Variants in CIC observed in about 807,000 individuals in gnomAD.
CIC encodes protein capicua homolog.
In CIC, 18 loss-of-function variants were observed where a neutral mutation model predicts 115.7. The observed-to-expected ratio is 0.16, with a 90% CI of 0.11 to 0.23. CIC has a LOEUF of 0.23. Ranked by LOEUF, CIC falls within the 10% of genes least tolerant of loss-of-function variation. The pLI is 1.00. For synonymous variants in CIC, 1,076 were observed against 923.0 expected (o/e 1.17, Z -3.01); for missense variants, 2,000 against 2,159.3 (o/e 0.93, Z 1.46).
rs1409198167 is a variant in CIC, at chr19:42,295,052, G to C, written c.7415G>C (p.Ser2472Thr). The C allele has an allele frequency of 6.5e-7, 1 of 1,538,122 alleles. No individual in the cohort carries two copies. The highest frequency in any genetic ancestry group is 8.7e-7 in the Non-Finnish European group (1 of 1,148,790). ...GGGGGCCCTGACCCCACCTCACCCAGCTCGGACTCTGGCACGGCCCAGGCT... is the reference window on the plus strand; with the variant it reads ...GGGGGCCCTGACCCCACCTCACCCACCTCGGACTCTGGCACGGCCCAGGCT... ...PAGGPDPTSP[S>T]SDSGTAQAAP... Residue 2472 changes from serine to threonine, a missense_variant, in exon 21 of 21, where the codon AGC becomes ACC. Coordinates refer to ENST00000681038, the MANE Select transcript of CIC (RefSeq NM_001386298.1).
Position 42,270,038 on chromosome 19 carries a change from G to A in CIC, c.-11+657G>A, listed in dbSNP as rs555775820. Among the ~76,000 whole-genome samples the A allele has an allele frequency of 3.6e-4, 55 of 152,306 alleles. No individual in the cohort carries two copies. The East Asian group carries it at 4.8e-3, about 13-fold the overall frequency. ...AGGGGAAAGAAAGCAGCTCTGGGGCGAAGAGAGGCTGGGCCAGGCAGCAAG... is the reference window on the plus strand; with the variant it reads ...AGGGGAAAGAAAGCAGCTCTGGGGCAAAGAGAGGCTGGGCCAGGCAGCAAG... On this transcript the variant is annotated intron_variant, in intron 1 of 20. Coordinates refer to ENST00000681038, the MANE Select transcript of CIC (RefSeq NM_001386298.1). This position sits in a 1 kb window ranked among gnomAD's most constrained non-coding sequence, Gnocchi z 4.1.
rs930640206 is a variant in CIC at position 42,291,377 on chromosome 19, C to T, written c.5336C>T (p.Thr1779Ile). 1 of 1,612,450 alleles carries T rather than the reference C, an allele frequency of 6.2e-7. No individual in the cohort carries two copies. The highest frequency in any genetic ancestry group is 1.3e-5 in the African/African-American group (1 of 74,908). Residue 1779 changes from threonine to isoleucine, a missense_variant, in exon 11 of 21, where the codon ACT becomes ATT. Around this residue, in one of 8 missense-constraint regions of CIC, gnomAD observed 1,466 missense variants for 1,390.4 expected, o/e 1.05. Coordinates refer to ENST00000681038, the MANE Select transcript of CIC (RefSeq NM_001386298.1). ...ATCCGTTTCACCCTCCCACCGGGCA[C>T]TTCCACCAACGGCAAAGTCCTGGCT... is the stretch of plus-strand genomic sequence containing the variant. The part of the protein sequence containing the change: ...TSIRFTLPPG[T>I]STNGKVLAAT...
Position 42,287,618 on chromosome 19 carries a change from A to G in CIC, c.3383A>G (p.His1128Arg). The G allele has an allele frequency of 6.2e-7, 1 of 1,613,960 alleles. No individual in the cohort carries two copies. The highest frequency in any genetic ancestry group is 8.5e-7 in the Non-Finnish European group (1 of 1,180,036). ...AGCAAGCGGCACCGGGCCCTGGTCC[A>G]CCAGCGTCATCCCAACCAGGACAAC... ...IFSKRHRALVHQRHPNQDNRT... is the reference protein window; with the variant it reads ...IFSKRHRALVRQRHPNQDNRT... Residue 1128 changes from histidine (H) to arginine (R), a missense_variant, in exon 6 of 21, where the codon CAC becomes CGC. This residue lies in a region of CIC where 22 missense variants were observed against 93.8 expected (regional missense o/e 0.23). Transcript: ENST00000681038. The surrounding 1 kb of genome is among the most constrained non-coding windows in gnomAD (Gnocchi z 8.7).
At chr19:42,274,735 G>A (rs2036904403) in intron 2 of CIC, among the ~76,000 whole-genome samples, 158 bp downstream of exon 2, 1 of 152,240 alleles carries the variant, frequency 6.6e-6, no homozygotes, top group African/African-American at 2.4e-5. Flanking sequence ...CACATGTCAG[G>A]AAAGGGATTG....
At chr19:42,292,253 G>A in intron 13 of CIC, 46 bp downstream of exon 13, 1 of 1,613,746 alleles carries the variant, frequency 6.2e-7, no homozygotes, top group Non-Finnish European at 8.5e-7. Flanking sequence ...AAGGGGTGGG[G>A]CGGGGCCGGC....
At position 42,291,867 on chromosome 19, in the gene CIC, C is replaced by T. The variant is rs571003686; in HGVS notation, c.5613+122C>T. ...TCTGGTTCTCTGTCTTGCCATCTTC[C>T]GTGATGTCTCTGTGCATCCTGACTC... is the stretch of plus-strand genomic sequence containing the variant. On this transcript the variant is annotated intron_variant, in intron 12 of 20. Coordinates refer to ENST00000681038, the MANE Select transcript of CIC (RefSeq NM_001386298.1). The T allele has an allele frequency of 1.0e-4, 139 of 1,364,654 alleles. No individual in the cohort carries two copies. In the African/African-American group the frequency reaches 1.3e-3, roughly 12 times the overall value. 84.5% of individuals were successfully genotyped at this position (1,364,654 alleles called of 1,614,324 possible).
At position 42,284,910 on chromosome 19, in the gene CIC, G is replaced by T; in HGVS notation, c.2795-1861G>T. ...GATGACGGGGAAAGTTACGGAGCTC[G>T]GCCGGGCCGAGTGGTTAGTGATGGC... On this transcript the variant is annotated intron_variant, in intron 2 of 20. Transcript: ENST00000681038. The T allele has an allele frequency of 3.7e-6, 3 of 805,598 alleles. No homozygotes were observed. The South Asian group carries it at 4.5e-5, about 12-fold the overall frequency. The allele number at this position is 805,598 out of a possible 1,614,324, so 49.9% of individuals were successfully genotyped here. A position where few individuals can be genotyped will look rare whatever the true frequency, so the allele number is the denominator to read the frequency against.
At chr19:42,274,690 G>A (rs1401372501) in intron 2 of CIC, 113 bp downstream of exon 2, 3 of 397,780 alleles carry the variant, frequency 7.5e-6, no homozygotes, top group Admixed American at 4.4e-5. Context: ...AGGGGAGGCC[G>A]GCCTCCTCTC....
Position 42,293,707 on chromosome 19 carries a change from G to C in CIC, c.6638G>C (p.Gly2213Ala). ...SPAPAPAVAP[G>A]GSSESSSGRA... is the part of the protein sequence containing the mutation. Reference sequence around the variant, plus strand: ...GCCCCAGCTCCAGCTGTAGCCCCTGGTGGCAGCAGCGAGAGCAGCAGTGGG... The same window carrying C: ...GCCCCAGCTCCAGCTGTAGCCCCTGCTGGCAGCAGCGAGAGCAGCAGTGGG... The change falls in exon 17 of 21, where the codon GGT becomes GCT. Residue 2213 changes from glycine (G) to alanine (A), a missense_variant. Physicochemically the swap from Gly to Ala is moderately conservative, Grantham distance 60. Coordinates refer to ENST00000681038, the MANE Select transcript of CIC (RefSeq NM_001386298.1). The C allele has an allele frequency of 6.2e-7, 1 of 1,612,916 alleles. No homozygotes were observed. Among genetic ancestry groups the C allele is most frequent in the Non-Finnish European group, 8.5e-7 (1 of 1,179,790 alleles).
chr19:42,274,672 G>A (rs940094016), intron 2 of CIC, 95 bp downstream of exon 2: 1 of 398,038 alleles, frequency 2.5e-6, no homozygotes, highest in East Asian at 3.6e-5. Context: ...CACCTTGGGA[G>A]GGCTTCAAGG....
intron 19 of CIC, 32 bp downstream of exon 19, chr19:42,294,336 G>T: frequency 6.2e-7 from 1 of 1,610,448 alleles, no homozygotes. Flanking sequence ...TGGGGGCCTG[G>T]GGACCTGCAA....
At chr19:42,291,960 AT>A in intron 12 of CIC, 125 bp from the exon 13 acceptor site, 1 of 1,445,638 alleles carries the variant, frequency 6.9e-7, no homozygotes, top group Non-Finnish European at 9.7e-7. Context: ...CATCTTGCCC[AT>A]CCTGTTCTCA....
In CIC at chr19:42,269,633, G is replaced by A. The variant is rs573881268; in HGVS notation, c.-11+252G>A. On this transcript the variant is annotated intron_variant, in intron 1 of 20. Coordinates refer to ENST00000681038, the MANE Select transcript of CIC (RefSeq NM_001386298.1). ...ACTAGATCAGGGTGACAGGGAGAGG[G>A]AGGGGACAGAGTTGGAGAGTGTGAC... is the stretch of plus-strand genomic sequence containing the variant. Among the ~76,000 whole-genome samples the A allele has an allele frequency of 2.0e-5, 3 of 151,966 alleles. No homozygotes were observed. The East Asian group carries it at 5.8e-4, about 29-fold the overall frequency.
At chr19:42,286,440 C>A in intron 2 of CIC, among the ~76,000 whole-genome samples, 1 of 151,926 alleles carries the variant, frequency 6.6e-6, no homozygotes, top group Non-Finnish European at 1.5e-5. Context: ...TGTGGGATGG[C>A]AGCCAAGCAT....
At chr19:42,283,298 T>C (rs1256208384) in intron 2 of CIC, among the ~76,000 whole-genome samples, 1 of 152,036 alleles carries the variant, frequency 6.6e-6, no homozygotes, top group Non-Finnish European at 1.5e-5. Context: ...GCATGATTCA[T>C]GTGGGCTGGT....
At position 42,295,580 on chromosome 19, in the gene CIC, C is replaced by CA. The variant is rs1427159601; in HGVS notation, c.*390dup. 4.0e-6 allele frequency: 1 copy of CA among 250,692 alleles called. No homozygotes were observed. The highest frequency in any genetic ancestry group is 5.9e-5 in the East Asian group (1 of 16,812). The allele number at this position is 250,692 out of a possible 1,614,324, so 15.5% of individuals were successfully genotyped here. On this transcript the variant is annotated 3_prime_UTR_variant, in exon 21 of 21. Coordinates refer to ENST00000681038, the MANE Select transcript of CIC (RefSeq NM_001386298.1). The stretch of plus-strand genomic sequence containing the variant: ...CTTTTTTCCCCAGAGGGGCTGGACT[C>CA]AGGTTAGTTTGGGGGTGGGGGCTCC...
In CIC at chr19:42,295,504, G is replaced by C; in HGVS notation, c.*313G>C. Reference sequence around the variant, plus strand: ...GGGCTGCAAGCTGGAGGGTGGTGCAGGCCTTGGGCCACAGGGAGGCGCCTG... The same window carrying C: ...GGGCTGCAAGCTGGAGGGTGGTGCACGCCTTGGGCCACAGGGAGGCGCCTG... On this transcript the variant is annotated 3_prime_UTR_variant, in exon 21 of 21. Transcript: ENST00000681038. The C allele has an allele frequency of 3.0e-6, 1 of 334,848 alleles. No individual in the cohort carries two copies. Among genetic ancestry groups the C allele is most frequent in the South Asian group, 5.3e-5 (1 of 18,832 alleles). The allele number at this position is 334,848 out of a possible 1,614,324, so 20.7% of individuals were successfully genotyped here.
At position 42,293,653 on chromosome 19, in the gene CIC, G is replaced by C. The variant is rs759057387; in HGVS notation, c.6584G>C (p.Arg2195Pro). ...WRVPGQGLEN[R>P]GEPPTPPSPA... Reference sequence around the variant, plus strand: ...GTCCCTGGGCAGGGCCTGGAGAATCGTGGGGAGCCTCCCACTCCTCCCAGC... The same window carrying C: ...GTCCCTGGGCAGGGCCTGGAGAATCCTGGGGAGCCTCCCACTCCTCCCAGC... Residue 2195 changes from arginine (R) to proline (P), a missense_variant, in exon 17 of 21, where the codon CGT becomes CCT. Physicochemically the swap from Arg to Pro is moderately radical, Grantham distance 103. Around this residue, in one of 8 missense-constraint regions of CIC, gnomAD observed 1,466 missense variants for 1,390.4 expected, o/e 1.05. Coordinates refer to ENST00000681038, the MANE Select transcript of CIC (RefSeq NM_001386298.1). 3 of 1,613,136 alleles carry C rather than the reference G, an allele frequency of 1.9e-6. No homozygotes were observed. Among genetic ancestry groups the C allele is most frequent in the Non-Finnish European group, 2.5e-6 (3 of 1,179,860 alleles).
At chr19:42,283,497 T>G (rs1309177993) in intron 2 of CIC, among the ~76,000 whole-genome samples, 5 of 152,084 alleles carry the variant, frequency 3.3e-5, no homozygotes, top group African/African-American at 1.2e-4. Context: ...AGAGGGCATA[T>G]GTGCCCGTGG....
Sources: gnomAD v4.1 joint callset for allele counts (sites outside exome capture counted in the v4.1 genomes callset) on GRCh38, gnomAD v4.1.1 for gene constraint, gnomAD v4.1.1 regional missense constraint, Gnocchi (gnomAD v3.1) non-coding constraint, MANE v1.5 for transcripts, NCBI Gene and HGNC (gene_info 2026-07-23, HGNC 2026-07-21) for gene names.